The following ARPP21 variants were observed in gnomAD, a reference collection of about 807,000 sequenced individuals.
The protein encoded by ARPP21 is cAMP regulated phosphoprotein 21, also known as cAMP-regulated phosphoprotein 21.
ARPP21 carries 69 observed loss-of-function variants against 113.2 expected under a neutral mutation model. The observed-to-expected ratio is 0.61, with a 90% CI of 0.50 to 0.74. The LOEUF is 0.74. ARPP21 is among the 30% of genes least tolerant of loss of function. The pLI, the probability that ARPP21 is intolerant of heterozygous loss-of-function variation, is 0.00. For missense variants in ARPP21, 1,070 were observed against 1,037.4 expected (o/e 1.03, Z -0.43); for synonymous variants, 368 against 375.5 (o/e 0.98, Z 0.23).
chr3:35,681,861 A>C lies in ARPP21; in HGVS notation c.110A>C (p.Glu37Ala). The change falls in exon 3 of 21, where the codon GAG becomes GCG. Residue 37 changes from glutamate to alanine, a missense_variant. By Grantham distance (107) the Glu-to-Ala change is moderately radical (BLOSUM62 -1). Transcript: ENST00000684406. Reference protein sequence around the residue: ...GIVKSESLDEEEKLELQRRLE... With the variant: ...GIVKSESLDEAEKLELQRRLE... ...GTTAAATCAGAAAGTCTGGATGAAG[A>C]GGAGAAACTGGAACTGCAGGTGAGT... 6.2e-7 allele frequency: 1 copy of C among 1,612,064 alleles called. No individual in the cohort carries two copies. The highest frequency in any genetic ancestry group is 8.5e-7 in the Non-Finnish European group (1 of 1,178,702).
At chr3:35,675,470 G>C (rs938180970) in intron 1 of ARPP21, among the ~76,000 whole-genome samples, 2 of 151,662 alleles carry the variant, frequency 1.3e-5, no homozygotes, top group Non-Finnish European at 2.9e-5. Context: ...GCACAAACTG[G>C]GCCAGTCTTG....
At chr3:35,649,237 G>A (rs1701444586) in intron 1 of ARPP21, among the ~76,000 whole-genome samples, 1 of 152,090 alleles carries the variant, frequency 6.6e-6, no homozygotes, top group South Asian at 2.1e-4. Flanking sequence ...AAGCAGATTT[G>A]ATATTCATTT....
At chr3:35,673,687 T>G (rs1408615013) in intron 1 of ARPP21, among the ~76,000 whole-genome samples, 3 of 152,036 alleles carry the variant, frequency 2.0e-5, no homozygotes, top group Non-Finnish European at 4.4e-5. Flanking sequence ...TTGTTTGCTT[T>G]TATTCATTTT....
rs1390969017 is a variant in ARPP21 at position 35,709,070 on chromosome 3, T to C, written c.897T>C (p.Asp299=). The change falls in exon 11 of 21, where the codon GAT becomes GAC. Residue 299 remains aspartate (D), a splice_region_variant and synonymous_variant. Transcript: ENST00000684406. ...QRVRERIFAH[D]SVCSQESLFV... is the part of the protein sequence containing the mutation. ...TGAGGGAGAGAATATTTGCACACGA[T>C]GTGAGTAGTTGTTTTAATTGCCTCT... 1.2e-6 allele frequency: 2 copies of C among 1,603,606 alleles called. No homozygotes were observed. Among genetic ancestry groups the C allele is most frequent in the South Asian group, 1.1e-5 (1 of 90,774 alleles).
intron 15 of ARPP21, 134 bp downstream of exon 15, chr3:35,729,670 C>T: frequency 1.4e-6 from 1 of 723,250 alleles, no homozygotes; most frequent in South Asian, 1.8e-5. Flanking sequence ...TGTTATGAAG[C>T]ATTTTTGTTT....
intron 9 of ARPP21, among the ~76,000 whole-genome samples, chr3:35,695,608 G>A (rs1219356217): frequency 6.6e-6 from 1 of 151,506 alleles, no homozygotes; most frequent in Non-Finnish European, 1.5e-5. Context: ...CAGAATGTAT[G>A]TAACAGATTC....
intron 1 of ARPP21, among the ~76,000 whole-genome samples, chr3:35,669,904 C>A (rs2075892469): frequency 1.3e-5 from 2 of 152,176 alleles, no homozygotes; most frequent in Admixed American, 1.3e-4. Flanking sequence ...CAGGGAGTTT[C>A]TGAGCACAGT....
rs147767710 is a variant in ARPP21 at position 35,709,366 on chromosome 3, A to G, written c.897+296A>G. On this transcript the variant is annotated intron_variant, in intron 11 of 20. Transcript: ENST00000684406. Reference sequence around the variant, plus strand: ...GAAAGTGTTTGTCAGATTTGAAGAAATGCCTTCACCTCCACATTAGCCAGC... The same window carrying G: ...GAAAGTGTTTGTCAGATTTGAAGAAGTGCCTTCACCTCCACATTAGCCAGC... 2.7e-3 allele frequency among the ~76,000 whole-genome samples: 410 copies of G among 152,288 alleles called. 1 individual carries two copies. The highest frequency in any genetic ancestry group is 8.7e-3 in the African/African-American group (361 of 41,552).
intron 12 of ARPP21, 90 bp from the exon 13 acceptor site, chr3:35,717,208 T>G (rs2150208298): frequency 2.8e-6 from 2 of 702,008 alleles, no homozygotes; most frequent in East Asian, 5.0e-5. Context: ...GGGATTGATT[T>G]GTGCTGTAGT....
At chr3:35,733,201 T>C (rs2094116023) in intron 15 of ARPP21, among the ~76,000 whole-genome samples, 1 of 151,704 alleles carries the variant, frequency 6.6e-6, no homozygotes, top group African/African-American at 2.4e-5. Flanking sequence ...TTATTTGCTT[T>C]TTTTTTTTTC....
intron 19 of ARPP21, among the ~76,000 whole-genome samples, chr3:35,751,521 C>T (rs975361677): frequency 1.3e-5 from 2 of 152,038 alleles, no homozygotes; most frequent in Admixed American, 6.6e-5. Context: ...GAATTTCTCA[C>T]GGAAGACAAT....
At chr3:35,790,275 CCTGCTCTTTG>C (rs1250282520) in intron 19 of ARPP21, among the ~76,000 whole-genome samples, 1 of 152,140 alleles carries the variant, frequency 6.6e-6, no homozygotes, top group East Asian at 1.9e-4. Flanking sequence ...GTGTACATTG[CCTGCTCTTTG>C]CTGTAGAACT....
At chr3:35,698,409 G>C (rs546602403) in intron 9 of ARPP21, among the ~76,000 whole-genome samples, 10 of 151,662 alleles carry the variant, frequency 6.6e-5, no homozygotes, top group African/African-American at 2.4e-4. Flanking sequence ...AATGAAACAT[G>C]CGTATATGTT....
At chr3:35,753,387 TA>T (rs1559856904) in intron 19 of ARPP21, among the ~76,000 whole-genome samples, 2 of 152,050 alleles carry the variant, frequency 1.3e-5, no homozygotes, top group African/African-American at 4.8e-5. Context: ...TTCAAAGGTA[TA>T]ATATGTTTCA....
At chr3:35,693,546 A>G (rs144792237) in intron 9 of ARPP21, among the ~76,000 whole-genome samples, 102 of 151,848 alleles carry the variant, frequency 6.7e-4, no homozygotes, top group African/African-American at 2.3e-3. Context: ...AATCATTGTC[A>G]GCAATTTTAG....
chr3:35,648,339 A>T (rs919179728), intron 1 of ARPP21, among the ~76,000 whole-genome samples: 1 of 152,226 alleles, frequency 6.6e-6, no homozygotes, highest in East Asian at 1.9e-4. Flanking sequence ...ATAAATAACC[A>T]AATCATTGAA....
intron 19 of ARPP21, among the ~76,000 whole-genome samples, chr3:35,745,558 A>G (rs1339337571): frequency 6.6e-6 from 1 of 152,228 alleles, no homozygotes; most frequent in African/African-American, 2.4e-5. Context: ...GCAGTTACAA[A>G]ACATGCTGCA....
At chr3:35,775,180 G>A (rs189797498) in intron 19 of ARPP21, among the ~76,000 whole-genome samples, 187 of 152,228 alleles carry the variant, frequency 1.2e-3, no homozygotes, top group African/African-American at 4.3e-3. Flanking sequence ...ATTTCTGTAG[G>A]CACTGTTTTG....
intron 19 of ARPP21, among the ~76,000 whole-genome samples, chr3:35,786,246 G>A (rs1024978922): frequency 3.9e-5 from 6 of 152,020 alleles, no homozygotes; most frequent in South Asian, 2.1e-4. Flanking sequence ...TTACTTGGCC[G>A]GGCGTGGTGG....
Sources: gnomAD v4.1 joint callset for allele counts (sites outside exome capture counted in the v4.1 genomes callset) on GRCh38, gnomAD v4.1.1 for gene constraint, MANE v1.5 for transcripts, NCBI Gene and HGNC (gene_info 2026-07-23, HGNC 2026-07-21) for gene names.